Variants in GNS observed in about 807,000 individuals in gnomAD.
The protein encoded by GNS is glucosamine (N-acetyl)-6-sulfatase.
A neutral mutation model predicts 69.7 loss-of-function variants in GNS; 40 were observed. The ratio of observed to expected loss-of-function variants is 0.57; its 90% confidence interval spans 0.45 to 0.75. The LOEUF is 0.75. Among genes scored for constraint, GNS ranks in the 30% least tolerant of loss-of-function variants. The probability of loss-of-function intolerance (pLI) is 0.00; values close to 1 mark genes in which losing one functional copy is unlikely to be tolerated. For missense variants in GNS, 565 were observed against 685.5 expected (o/e 0.82, Z 1.96); for synonymous variants, 243 against 251.6 (o/e 0.97, Z 0.32).
intron 13 of GNS, 81 bp downstream of exon 13, chr12:64,719,941 A>G (rs1425868310): frequency 1.1e-6 from 1 of 909,280 alleles, no homozygotes; most frequent in Non-Finnish European, 1.9e-6. Context: ...TCTCACAGCA[A>G]AAAGGGCTCC....
intron 9 of GNS, among the ~76,000 whole-genome samples, chr12:64,731,736 A>G (rs1279954756): frequency 6.6e-6 from 1 of 152,198 alleles, no homozygotes; most frequent in Non-Finnish European, 1.5e-5. Flanking sequence ...TTTGAGAAAC[A>G]CTAGTTTCAC....
chr12:64,755,442 G>A (rs1870219004), intron 1 of GNS, among the ~76,000 whole-genome samples: 1 of 151,592 alleles, frequency 6.6e-6, no homozygotes, highest in Non-Finnish European at 1.5e-5. Flanking sequence ...GCCGGGCGTG[G>A]TGGTGGGTGC....
intron 9 of GNS, among the ~76,000 whole-genome samples, chr12:64,732,410 C>A (rs185299917): frequency 6.6e-6 from 1 of 151,152 alleles, no homozygotes; most frequent in East Asian, 1.9e-4. Flanking sequence ...CCTCGTGATC[C>A]GCCTGACTCA....
In GNS at chr12:64,728,381, G is replaced by A. The variant is rs551033422; in HGVS notation, c.1200+575C>T. On this transcript the variant is annotated intron_variant, in intron 10 of 13. Transcript: ENST00000258145. Reference sequence around the variant, plus strand: ...ACTTGTCTGACTGTTTTTGACATGTGTTCTCTGAAGTGGTATGTCTTGTTA... The same window carrying A: ...ACTTGTCTGACTGTTTTTGACATGTATTCTCTGAAGTGGTATGTCTTGTTA... 3.3e-5 allele frequency among the ~76,000 whole-genome samples: 5 copies of A among 152,324 alleles called. No individual in the cohort carries two copies. In the South Asian group the frequency reaches 1.0e-3, roughly 32 times the overall value.
intron 9 of GNS, among the ~76,000 whole-genome samples, chr12:64,732,714 G>C (rs960868945): frequency 1.7e-4 from 26 of 152,012 alleles, no homozygotes; most frequent in South Asian, 4.1e-4. Flanking sequence ...GCCTGCCTCG[G>C]CCTCCCAAAG....
chr12:64,720,251 G>T, intron 12 of GNS, 69 bp from the exon 13 acceptor site: 1 of 1,031,292 alleles, frequency 9.7e-7, no homozygotes, highest in Non-Finnish European at 1.5e-6. Flanking sequence ...CTCTTAACGT[G>T]ACTTATTTCT....
intron 4 of GNS, among the ~76,000 whole-genome samples, chr12:64,745,208 T>A (rs1456573142): frequency 5.4e-4 from 14 of 26,162 alleles, no homozygotes; most frequent in Admixed American, 1.0e-3. Context: ...AATAGACTTT[T>A]TTTTTTTTTT....
At chr12:64,721,435 A>G (rs540712743) in intron 12 of GNS, among the ~76,000 whole-genome samples, 160 bp downstream of exon 12, 1 of 152,352 alleles carries the variant, frequency 6.6e-6, no homozygotes, top group African/African-American at 2.4e-5. Flanking sequence ...GAAGTGAGAC[A>G]TGGCCTTACA....
Position 64,714,071 on chromosome 12 carries a change from G to GT in GNS, c.*2669dup, listed in dbSNP as rs1868788834. 6.6e-6 allele frequency: 1 copy of GT among 152,196 alleles called. No individual in the cohort carries two copies. The highest frequency in any genetic ancestry group is 2.4e-5 in the African/African-American group (1 of 41,448). The allele number at this position is 152,196 out of a possible 1,614,324, so 9.4% of individuals were successfully genotyped here. On this transcript the variant is annotated 3_prime_UTR_variant, in exon 14 of 14. Coordinates refer to ENST00000258145, the MANE Select transcript of GNS (RefSeq NM_002076.4). The stretch of plus-strand genomic sequence containing the variant: ...TGGAACCCAGGAGGTGGAAGTTGCA[G>GT]TGAGCCGAGATCACGCCACTGCACT...
chr12:64,746,388 G>A (rs1375832495), intron 3 of GNS: 1 of 152,394 alleles, frequency 6.6e-6, no homozygotes, highest in East Asian at 1.9e-4. Flanking sequence ...GTGCCAACAC[G>A]ACACTCAAAG....
In GNS at chr12:64,721,613, G is replaced by A. The variant is rs762724498; in HGVS notation, c.1401C>T (p.Cys467=). The A allele has an allele frequency of 2.2e-5, 34 of 1,554,168 alleles. No homozygotes were observed. Among genetic ancestry groups the A allele is most frequent in the South Asian group, 1.2e-4 (11 of 89,862 alleles). ...TMSALWNLQY[C]EFDDQEVFVE... is the part of the protein sequence containing the mutation. The stretch of plus-strand genomic sequence containing the variant: ...CTCTTACCTCCTGGTCATCAAACTC[G>A]CAATACTGCAAATTCCACAATGCTG... Residue 467 remains cysteine, a synonymous_variant, in exon 12 of 14, where the codon TGC becomes TGT. Transcript: ENST00000258145.
intron 10 of GNS, among the ~76,000 whole-genome samples, chr12:64,727,600 C>T (rs949011151): frequency 6.6e-6 from 1 of 152,092 alleles, no homozygotes; most frequent in Non-Finnish European, 1.5e-5. Flanking sequence ...ATGATATGAT[C>T]CTTGAAAACA....
intron 9 of GNS, among the ~76,000 whole-genome samples, chr12:64,733,142 A>C (rs761910445): frequency 1.1e-4 from 17 of 151,484 alleles, no homozygotes; most frequent in Non-Finnish European, 1.9e-4. Context: ...AAAACAAAAA[A>C]CAAAAATTAG....
chr12:64,722,806 C>T, intron 11 of GNS, 200 bp downstream of exon 11: 1 of 577,578 alleles, frequency 1.7e-6, no homozygotes, highest in East Asian at 3.0e-5. Flanking sequence ...GGAAGATTAA[C>T]AGTGCACATT....
In GNS at chr12:64,737,061, A is replaced by G. The variant is rs1490954526; in HGVS notation, c.1041T>C (p.Asp347=). The part of the protein sequence containing the change: ...PIDKRQLYEF[D]IKVPLLVRGP... ...CTCGAACCAACAGTGGAACTTTGATATCAAACTCATACAGCTGTCTCTTGT... is the reference window on the plus strand; with the variant it reads ...CTCGAACCAACAGTGGAACTTTGATGTCAAACTCATACAGCTGTCTCTTGT... Residue 347 remains aspartate (D), a synonymous_variant, in exon 9 of 14, where the codon GAT becomes GAC. Transcript: ENST00000258145. The G allele has an allele frequency of 1.2e-6, 2 of 1,603,848 alleles. No individual in the cohort carries two copies. Among genetic ancestry groups the G allele is most frequent in the South Asian group, 2.2e-5 (2 of 90,876 alleles).
At chr12:64,743,819 T>C (rs1869819258) in intron 5 of GNS, among the ~76,000 whole-genome samples, 1 of 152,236 alleles carries the variant, frequency 6.6e-6, no homozygotes, top group Non-Finnish European at 1.5e-5. Flanking sequence ...TTTTAATACA[T>C]GGACTTAAGT....
chr12:64,721,726 T>C (rs919454330), intron 11 of GNS, 21 bp from the exon 12 acceptor site: 4 of 1,189,920 alleles, frequency 3.4e-6, no homozygotes, highest in Non-Finnish European at 5.0e-6. Context: ...ATTTCAAAAG[T>C]TAAATGAAGA....
intron 2 of GNS, among the ~76,000 whole-genome samples, chr12:64,749,542 G>T (rs548762210): frequency 6.6e-6 from 1 of 152,188 alleles, no homozygotes; most frequent in East Asian, 1.9e-4. Flanking sequence ...GTGAGCCACC[G>T]TGTCTAGCCG....
chr12:64,750,518 C>T (rs1870044703), intron 2 of GNS, among the ~76,000 whole-genome samples: 2 of 152,104 alleles, frequency 1.3e-5, no homozygotes, highest in South Asian at 2.1e-4. Context: ...TGATTATTCT[C>T]ATCTATTTAT....
Sources: gnomAD v4.1 joint callset for allele counts (sites outside exome capture counted in the v4.1 genomes callset) on GRCh38, gnomAD v4.1.1 for gene constraint, MANE v1.5 for transcripts, NCBI Gene and HGNC (gene_info 2026-07-23, HGNC 2026-07-21) for gene names.